SV2B: variants seen among roughly 807,000 people sequenced by gnomAD.
SV2B encodes synaptic vesicle glycoprotein 2B.
In SV2B, 41 loss-of-function variants were observed where a neutral mutation model predicts 73.9. That is an observed-to-expected ratio of 0.56 (90% CI 0.43 to 0.72). SV2B has a LOEUF of 0.72. Ranked by LOEUF, SV2B falls within the 30% of genes least tolerant of loss-of-function variation. The pLI, the probability that SV2B is intolerant of heterozygous loss-of-function variation, is 0.00. For missense variants in SV2B, 764 were observed against 857.8 expected, an observed-to-expected ratio of 0.89 and a Z score of 1.37; for synonymous variants, 314 against 314.2, an observed-to-expected ratio of 1.00 and a Z score of 0.01.
chr15:91,126,827 A>G (rs900240773), intron 1 of SV2B, among the ~76,000 whole-genome samples: 2 of 152,350 alleles, frequency 1.3e-5, no homozygotes, highest in African/African-American at 4.8e-5. Context: ...AAAATACTTA[A>G]ACTAGAAATA....
chr15:91,249,940 G>T (rs1034426890), intron 2 of SV2B, among the ~76,000 whole-genome samples: 7 of 152,180 alleles, frequency 4.6e-5, no homozygotes, highest in Admixed American at 3.9e-4. Flanking sequence ...CACATTTAAA[G>T]AATAAGTAAT....
chr15:91,121,307 TC>T lies in SV2B; in HGVS notation c.-392+20950del, dbSNP rs376703213. ...AATCAAGTGAGAAATTTATTAATTT[TC>T]CCCCCTAACCCTCCTGAGAATACTT... On this transcript the variant is annotated intron_variant, in intron 1 of 12. Coordinates refer to ENST00000394232, the MANE Select transcript of SV2B (RefSeq NM_001323032.3). This position sits in a 1 kb window ranked among gnomAD's most constrained non-coding sequence, Gnocchi z 4.4. Among the ~76,000 whole-genome samples the T allele has an allele frequency of 1.2e-4, 19 of 152,142 alleles. No individual in the cohort carries two copies. In the East Asian group the frequency reaches 3.3e-3, roughly 26 times the overall value.
In SV2B at chr15:91,295,826, C is replaced by G. The variant is rs7169918; in HGVS notation, c.*3274C>G. ...GAGCCCTGACCATGGGCCAGTCTCT[C>G]TGCCAAGCCCTGGGGACACAGTGAT... On this transcript the variant is annotated 3_prime_UTR_variant, in exon 13 of 13. Transcript: ENST00000394232. 66,387 of 152,084 alleles carry G rather than the reference C, an allele frequency of 0.44. 14,916 individuals are homozygous for G. Among genetic ancestry groups the G allele is most frequent in the East Asian group, 0.51 (2,613 of 5,168 alleles). The allele number at this position is 152,084 out of a possible 1,614,324, so 9.4% of individuals were successfully genotyped here.
chr15:91,199,241 A>G (rs2141378473), intron 1 of SV2B, among the ~76,000 whole-genome samples: 1 of 152,288 alleles, frequency 6.6e-6, no homozygotes, highest in African/African-American at 2.4e-5. Flanking sequence ...TTTTTGGAAC[A>G]TACTGTTTGA....
intron 1 of SV2B, among the ~76,000 whole-genome samples, chr15:91,178,220 C>A (rs1332181254): frequency 6.6e-6 from 1 of 151,434 alleles, no homozygotes; most frequent in African/African-American, 2.4e-5. Context: ...GTTGAACCAG[C>A]CTTGCATCCC....
intron 1 of SV2B, among the ~76,000 whole-genome samples, chr15:91,194,355 G>T (rs955334515): frequency 2.6e-5 from 4 of 152,130 alleles, no homozygotes; most frequent in African/African-American, 7.2e-5. Flanking sequence ...TTTCCTTTCA[G>T]ATAATGTTAG....
At chr15:91,173,793 CT>C (rs371764233) in intron 1 of SV2B, among the ~76,000 whole-genome samples, 355 of 152,324 alleles carry the variant, frequency 2.3e-3, no homozygotes, top group Non-Finnish European at 4.3e-3. Context: ...TGTAAATCAG[CT>C]GGAGAAAATG....
At chr15:91,235,972 T>C (rs924281665) in intron 2 of SV2B, among the ~76,000 whole-genome samples, 1 of 152,156 alleles carries the variant, frequency 6.6e-6, no homozygotes, top group Non-Finnish European at 1.5e-5. Flanking sequence ...GAAAATTAAA[T>C]GCAATTACCC....
rs2046936230 is a variant in SV2B, at chr15:91,239,866, G to T, written c.452-11953G>T. Among the ~76,000 whole-genome samples the T allele has an allele frequency of 6.6e-6, 1 of 152,178 alleles. No homozygotes were observed. Among genetic ancestry groups the T allele is most frequent in the Non-Finnish European group, 1.5e-5 (1 of 68,038 alleles). ...GCGATTCTCTTTACTTTCCATGGTG[G>T]TCACAAGATAGCCACCATAGCTCTA... On this transcript the variant is annotated intron_variant, in intron 2 of 12. Coordinates refer to ENST00000394232, the MANE Select transcript of SV2B (RefSeq NM_001323032.3). The surrounding 1 kb of genome is among the most constrained non-coding windows in gnomAD (Gnocchi z 5.1).
chr15:91,204,950 G>T (rs1363580433), intron 1 of SV2B, among the ~76,000 whole-genome samples: 1 of 152,174 alleles, frequency 6.6e-6, no homozygotes, highest in African/African-American at 2.4e-5. Flanking sequence ...CAGGTTGAAA[G>T]ACCTAACTTG....
chr15:91,172,734 C>T (rs371884411), intron 1 of SV2B, among the ~76,000 whole-genome samples: 5 of 152,158 alleles, frequency 3.3e-5, no homozygotes, highest in East Asian at 1.9e-4. Flanking sequence ...GGAAAGTTGC[C>T]GAACCTCTCT....
In SV2B at chr15:91,232,996, T is replaced by C. The variant is rs1241618489; in HGVS notation, c.451+6282T>C. On this transcript the variant is annotated intron_variant, in intron 2 of 12. Transcript: ENST00000394232. The surrounding 1 kb of genome is among the most constrained non-coding windows in gnomAD (Gnocchi z 4.7). ...TCCTGCATTAATTTGCTTAGAATTA[T>C]GGCCTCCAGTTGCATCCATGTTGTT... 1.3e-5 allele frequency among the ~76,000 whole-genome samples: 2 copies of C among 152,238 alleles called. No individual in the cohort carries two copies. Among genetic ancestry groups the C allele is most frequent in the Non-Finnish European group, 2.9e-5 (2 of 68,036 alleles).
chr15:91,143,069 G>T (rs2043043056), intron 1 of SV2B, among the ~76,000 whole-genome samples: 1 of 152,190 alleles, frequency 6.6e-6, no homozygotes. Context: ...GTTCCAGGGA[G>T]GCTGTTTCCC....
At chr15:91,109,642 C>A (rs899479247) in intron 1 of SV2B, among the ~76,000 whole-genome samples, 6 of 152,104 alleles carry the variant, frequency 3.9e-5, no homozygotes, top group African/African-American at 1.4e-4. Flanking sequence ...TCAATGAAGA[C>A]CTTAATTGAA....
In SV2B at chr15:91,289,748, C is replaced by A; in HGVS notation, c.1868+68C>A. The A allele has an allele frequency of 6.5e-7, 1 of 1,527,394 alleles. No individual in the cohort carries two copies. Among genetic ancestry groups the A allele is most frequent in the South Asian group, 1.2e-5 (1 of 82,488 alleles). 94.6% of individuals were successfully genotyped at this position (1,527,394 alleles called of 1,614,324 possible). A position where few individuals can be genotyped will look rare whatever the true frequency, so the allele number is the denominator to read the frequency against. ...TCTTTGGCCAGAAGTCTACCTGCTCCCTAAATCTCATGCTGTGCATGGCCA... is the reference window on the plus strand; with the variant it reads ...TCTTTGGCCAGAAGTCTACCTGCTCACTAAATCTCATGCTGTGCATGGCCA... On this transcript the variant is annotated intron_variant, in intron 12 of 12. Coordinates refer to ENST00000394232, the MANE Select transcript of SV2B (RefSeq NM_001323032.3). This position sits in a 1 kb window ranked among gnomAD's most constrained non-coding sequence, Gnocchi z 4.9.
At position 91,300,838 on chromosome 15, in the gene SV2B, T is replaced by C. The variant is rs1205354158; in HGVS notation, c.*8286T>C. The C allele has an allele frequency of 6.6e-6, 1 of 152,240 alleles. No homozygotes were observed. Among genetic ancestry groups the C allele is most frequent in the Non-Finnish European group, 1.5e-5 (1 of 68,060 alleles). 9.4% of individuals were successfully genotyped at this position (152,240 alleles called of 1,614,324 possible). ...GAGCAAAGTCAGTTAATACAATTTC[T>C]CCAGGTATCCAGCTATCTCCAGGTG... On this transcript the variant is annotated 3_prime_UTR_variant, in exon 13 of 13. Coordinates refer to ENST00000394232, the MANE Select transcript of SV2B (RefSeq NM_001323032.3).
Position 91,132,377 on chromosome 15 carries a change from A to G in SV2B, c.-392+32014A>G, listed in dbSNP as rs2042681262. 6.6e-6 allele frequency among the ~76,000 whole-genome samples: 1 copy of G among 152,236 alleles called. No homozygotes were observed. The stretch of plus-strand genomic sequence containing the variant: ...TGTGCAAACATTGGTTGCAAAAACA[A>G]TCAGGGGTTAGGGTGAAGTAAAGTT... On this transcript the variant is annotated intron_variant, in intron 1 of 12. Coordinates refer to ENST00000394232, the MANE Select transcript of SV2B (RefSeq NM_001323032.3). The surrounding 1 kb of genome is among the most constrained non-coding windows in gnomAD (Gnocchi z 4.6).
At chr15:91,235,189 T>C (rs1238177277) in intron 2 of SV2B, among the ~76,000 whole-genome samples, 2 of 152,202 alleles carry the variant, frequency 1.3e-5, no homozygotes, top group African/African-American at 4.8e-5. Flanking sequence ...TTAGAGGTAA[T>C]AGTAGAAGCC....
Position 91,121,479 on chromosome 15 carries a change from T to C in SV2B, c.-392+21116T>C, listed in dbSNP as rs2151745000. Among the ~76,000 whole-genome samples, 1 of 152,362 alleles carries C rather than the reference T, an allele frequency of 6.6e-6. No individual in the cohort carries two copies. Among genetic ancestry groups the C allele is most frequent in the Non-Finnish European group, 1.5e-5 (1 of 68,034 alleles). On this transcript the variant is annotated intron_variant, in intron 1 of 12. Coordinates refer to ENST00000394232, the MANE Select transcript of SV2B (RefSeq NM_001323032.3). This position sits in a 1 kb window ranked among gnomAD's most constrained non-coding sequence, Gnocchi z 4.4. ...CTATTGCTTTATTTTCCCATAATTCTTGGGTAGAATCTTGCTTCTTTTTCT... is the reference window on the plus strand; with the variant it reads ...CTATTGCTTTATTTTCCCATAATTCCTGGGTAGAATCTTGCTTCTTTTTCT...
Sources: allele counts gnomAD v4.1 joint callset (sites outside exome capture counted in the v4.1 genomes callset), GRCh38; gene constraint gnomAD v4.1.1; non-coding constraint Gnocchi (gnomAD v3.1); transcripts MANE v1.5; gene names NCBI Gene and HGNC (gene_info 2026-07-23, HGNC 2026-07-21).